RASAL2: variants seen among roughly 807,000 people sequenced by gnomAD.
The protein encoded by RASAL2 is ras GTPase-activating protein nGAP.
RASAL2 carries 58 observed loss-of-function variants against 128.9 expected under a neutral mutation model. The ratio of observed to expected loss-of-function variants is 0.45; its 90% CI spans 0.36 to 0.56. The LOEUF (loss-of-function observed/expected upper bound fraction) is 0.56. Among genes scored for constraint, RASAL2 ranks in the 20% least tolerant of loss-of-function variants. RASAL2 has a pLI of 0.00. For synonymous variants in RASAL2, 561 were observed against 580.8 expected, an observed-to-expected ratio of 0.97 and a Z score of 0.49; for missense variants, 1,360 against 1,601.6, an observed-to-expected ratio of 0.85 and a Z score of 2.57.
At chr1:178,206,832 T>A (rs73051466) in intron 1 of RASAL2, among the ~76,000 whole-genome samples, 2,046 of 152,260 alleles carry the variant, frequency 0.013, 47 homozygotes, top group African/African-American at 0.046. Context: ...GTGGAATGGC[T>A]GAATAAATTA....
At chr1:178,378,558 C>T (rs924555456) in intron 3 of RASAL2, among the ~76,000 whole-genome samples, 2 of 152,166 alleles carry the variant, frequency 1.3e-5, no homozygotes, top group Admixed American at 6.5e-5. Flanking sequence ...AAACAAATCT[C>T]AACAAATTTC....
chr1:178,125,368 T>C (rs561461679), intron 1 of RASAL2: 3 of 152,282 alleles, frequency 2.0e-5, no homozygotes, highest in African/African-American at 7.2e-5. Context: ...GTAGAATATA[T>C]GCTTACTGTA....
At chr1:178,276,934 G>A (rs918541977) in intron 1 of RASAL2, among the ~76,000 whole-genome samples, 26 of 151,710 alleles carry the variant, frequency 1.7e-4, no homozygotes, top group African/African-American at 5.6e-4. Context: ...GGATCACAAG[G>A]TCAGGAGATT....
At chr1:178,300,449 A>G (rs1428820349) in intron 3 of RASAL2, among the ~76,000 whole-genome samples, 1 of 152,212 alleles carries the variant, frequency 6.6e-6, no homozygotes. Context: ...ACTGAGGTTC[A>G]TAAGGGAGCA....
chr1:178,256,278 G>A (rs556129453), intron 1 of RASAL2, among the ~76,000 whole-genome samples: 30 of 152,224 alleles, frequency 2.0e-4, no homozygotes, highest in Middle Eastern at 3.4e-3. Flanking sequence ...AATAAACACA[G>A]AAAGAGCATT....
intron 16 of RASAL2, 92 bp from the exon 17 acceptor site, chr1:178,467,242 A>T: frequency 1.0e-6 from 1 of 973,910 alleles, no homozygotes; most frequent in Non-Finnish European, 1.6e-6. Flanking sequence ...GTGTCTTATT[A>T]AAAAGGGCAG....
At chr1:178,427,766 CCA>C (rs1327058470) in intron 5 of RASAL2, among the ~76,000 whole-genome samples, 1 of 151,946 alleles carries the variant, frequency 6.6e-6, no homozygotes, top group Admixed American at 6.6e-5. Context: ...TCAGTTTTCG[CCA>C]ATTTTACATG....
intron 1 of RASAL2, among the ~76,000 whole-genome samples, chr1:178,147,575 T>C (rs1320362162): frequency 6.6e-6 from 1 of 151,638 alleles, no homozygotes; most frequent in Non-Finnish European, 1.5e-5. Context: ...CATTAAAATA[T>C]ATATGAGCAC....
In RASAL2 at chr1:178,349,253, T is replaced by C. The variant is rs1029841790; in HGVS notation, c.458-40847T>C. Among the ~76,000 whole-genome samples the C allele has an allele frequency of 5.8e-5, 8 of 138,096 alleles. No individual in the cohort carries two copies. The South Asian group carries it at 1.4e-3, about 25-fold the overall frequency. 90.6% of individuals were successfully genotyped at this position (138,096 alleles called of 152,430 possible). Reference sequence around the variant, plus strand: ...GGCCAACATGGTGAAACCCTGTCTCTACTTTAAAAAAAAAAAAAAAAAAAA... The same window carrying C: ...GGCCAACATGGTGAAACCCTGTCTCCACTTTAAAAAAAAAAAAAAAAAAAA... On this transcript the variant is annotated intron_variant, in intron 3 of 17. Coordinates refer to ENST00000367649, the MANE Select transcript of RASAL2 (RefSeq NM_170692.4).
chr1:178,225,019 A>G (rs570942759), intron 1 of RASAL2, among the ~76,000 whole-genome samples: 22 of 152,260 alleles, frequency 1.4e-4, no homozygotes, highest in African/African-American at 4.8e-4. Context: ...TAAGCAGGTC[A>G]TGGAATCCTG....
chr1:178,273,287 A>G (rs1666345499), intron 1 of RASAL2, among the ~76,000 whole-genome samples: 1 of 152,218 alleles, frequency 6.6e-6, no homozygotes, highest in Non-Finnish European at 1.5e-5. Flanking sequence ...TTGGCCGTGG[A>G]TATGTCCTCT....
intron 1 of RASAL2, among the ~76,000 whole-genome samples, chr1:178,139,791 C>T (rs185287784): frequency 1.5e-4 from 23 of 151,868 alleles, no homozygotes; most frequent in Non-Finnish European, 2.8e-4. Context: ...TATCTAAACA[C>T]CCTATTACCT....
intron 4 of RASAL2, among the ~76,000 whole-genome samples, chr1:178,415,558 G>A (rs918497080): frequency 6.6e-6 from 1 of 152,038 alleles, no homozygotes; most frequent in African/African-American, 2.4e-5. Flanking sequence ...GGATAAAGTA[G>A]TCTATAGATG....
chr1:178,423,211 A>G (rs1375569355), intron 5 of RASAL2, among the ~76,000 whole-genome samples: 2 of 152,056 alleles, frequency 1.3e-5, no homozygotes, highest in African/African-American at 4.8e-5. Flanking sequence ...CTATTGATGG[A>G]TATTTACATT....
intron 3 of RASAL2, among the ~76,000 whole-genome samples, chr1:178,339,172 T>G (rs1240640900): frequency 6.6e-6 from 1 of 152,196 alleles, no homozygotes; most frequent in East Asian, 1.9e-4. Flanking sequence ...AAGGAATTCA[T>G]CTCCATCTTG....
At position 178,473,144 on chromosome 1, in the gene RASAL2, C is replaced by T. The variant is rs768397267; in HGVS notation, c.3748C>T (p.Arg1250Trp). The change falls in exon 18 of 18, where the codon CGG becomes TGG. Residue 1250 changes from arginine to tryptophan, a missense_variant. By Grantham distance (101) the Arg-to-Trp change is moderately radical. Around this residue, in one of 3 missense-constraint regions of RASAL2, gnomAD observed 741 missense variants for 868.6 expected, o/e 0.85. Coordinates refer to ENST00000367649, the MANE Select transcript of RASAL2 (RefSeq NM_170692.4). ...GAGCGCGCTGACCCAAGTGAAGGAG[C>T]GGTACAGCATGCAGGTCCGCAATGG... ...LMSALTQVKE[R>W]YSMQVRNGIS... The T allele has an allele frequency of 2.4e-5, 39 of 1,614,050 alleles. No individual in the cohort carries two copies. The highest frequency in any genetic ancestry group is 3.1e-5 in the Non-Finnish European group (36 of 1,180,032).
At chr1:178,361,508 C>T (rs369203482) in intron 3 of RASAL2, among the ~76,000 whole-genome samples, 1 of 151,642 alleles carries the variant, frequency 6.6e-6, no homozygotes, top group Non-Finnish European at 1.5e-5. Context: ...GAACAGTTGG[C>T]CCTTCATATC....
chr1:178,184,197 A>T (rs1291627205), intron 1 of RASAL2, among the ~76,000 whole-genome samples: 1 of 152,150 alleles, frequency 6.6e-6, no homozygotes, highest in Non-Finnish European at 1.5e-5. Flanking sequence ...TATTTTGGAT[A>T]CAAGTCCTTT....
intron 7 of RASAL2, among the ~76,000 whole-genome samples, chr1:178,442,447 A>G (rs1410710332): frequency 6.6e-6 from 1 of 152,094 alleles, no homozygotes; most frequent in Non-Finnish European, 1.5e-5. Context: ...TAAATAAAAT[A>G]GAATGAACTA....
Sources: allele counts gnomAD v4.1 joint callset (sites outside exome capture counted in the v4.1 genomes callset), GRCh38; gene constraint gnomAD v4.1.1; regional missense constraint gnomAD v4.1.1; transcripts MANE v1.5; gene names NCBI Gene and HGNC (gene_info 2026-07-23, HGNC 2026-07-21).